Variants in FXN observed in about 807,000 individuals in gnomAD.
FXN encodes the protein frataxin, also known as frataxin, mitochondrial.
Under a neutral mutation model 22.4 loss-of-function variants are expected in FXN, and 14 were observed. That is an observed-to-expected ratio of 0.62 (90% CI 0.41 to 0.98). The LOEUF (loss-of-function observed/expected upper bound fraction) is 0.98, where lower values mean the gene tolerates loss of function less well. Ranked by LOEUF, FXN falls within the 50% of genes least tolerant of loss-of-function variation. The probability of loss-of-function intolerance (pLI) is 0.00; values close to 1 mark genes in which losing one functional copy is unlikely to be tolerated. For missense variants in FXN, 267 were observed against 268.4 expected, an observed-to-expected ratio of 0.99 and a Z score of 0.04; for synonymous variants, 120 against 114.1, an observed-to-expected ratio of 1.05 and a Z score of -0.33.
intron 4 of FXN, among the ~76,000 whole-genome samples, chr9:69,069,946 G>A (rs1354994990): frequency 6.6e-6 from 1 of 152,180 alleles, no homozygotes; most frequent in African/African-American, 2.4e-5. Context: ...AATGGCCCAG[G>A]GGGCAAGCAC....
chr9:69,072,294 T>A (rs1004158877), intron 4 of FXN, among the ~76,000 whole-genome samples: 2 of 152,242 alleles, frequency 1.3e-5, no homozygotes, highest in Non-Finnish European at 2.9e-5. Context: ...CCCTAATTTT[T>A]AAAACACTGC....
intron 1 of FXN, among the ~76,000 whole-genome samples, chr9:69,037,187 G>GCCTA (rs1480162586): frequency 6.6e-6 from 1 of 150,608 alleles, no homozygotes; most frequent in Non-Finnish European, 1.5e-5. Flanking sequence ...ACTTTGGGAG[G>GCCTA]CCTAGGAAGG....
At chr9:69,046,036 G>T (rs540627159) in intron 1 of FXN, among the ~76,000 whole-genome samples, 9 of 152,176 alleles carry the variant, frequency 5.9e-5, no homozygotes, top group African/African-American at 9.7e-5. Flanking sequence ...TGAAAGTTCC[G>T]TGATGGGTTT....
Position 69,076,662 on chromosome 9 carries a change from G to A in FXN, c.*3900G>A. The A allele has an allele frequency of 4.1e-6, 4 of 985,442 alleles. No individual in the cohort carries two copies. The highest frequency in any genetic ancestry group is 4.8e-6 in the Non-Finnish European group (4 of 829,948). 61.0% of individuals were successfully genotyped at this position (985,442 alleles called of 1,614,324 possible). ...AGGAAGACCCATGTTCATAGTGATG[G>A]AGTTTGTGTGGACTAACCATGCAAG... On this transcript the variant is annotated 3_prime_UTR_variant, in exon 5 of 5. Coordinates refer to ENST00000484259, the MANE Select transcript of FXN (RefSeq NM_000144.5).
intron 4 of FXN, among the ~76,000 whole-genome samples, chr9:69,067,318 G>A (rs1471287040): frequency 6.6e-6 from 1 of 152,268 alleles, no homozygotes; most frequent in African/African-American, 2.4e-5. Context: ...GGAGCAGGCC[G>A]GAGCGCGGGA....
rs561745482 is a variant in FXN at position 69,047,117 on chromosome 9, T to G, written c.263+635T>G. ...GAAAAAGCCGGCACGGCATTCCCCA[T>G]GGAAAGCTGTCAGGCACGGCTACAG... On this transcript the variant is annotated intron_variant, in intron 2 of 4. Transcript: ENST00000484259. 2.9e-4 allele frequency among the ~76,000 whole-genome samples: 44 copies of G among 152,202 alleles called. No homozygotes were observed. The East Asian group carries it at 7.7e-3, about 27-fold the overall frequency.
intron 1 of FXN, among the ~76,000 whole-genome samples, chr9:69,037,325 G>C (rs1441682921): frequency 7.3e-6 from 1 of 136,546 alleles, no homozygotes. Flanking sequence ...AGTTAGCCGG[G>C]CGTGGTGTCG....
chr9:69,064,284 C>G (rs1045580751), intron 3 of FXN, among the ~76,000 whole-genome samples: 9 of 152,160 alleles, frequency 5.9e-5, no homozygotes, highest in Non-Finnish European at 1.5e-5. Context: ...GATGCACCAA[C>G]TAGTCTTTTG....
chr9:69,055,353 A>G (rs2133113830), intron 3 of FXN, among the ~76,000 whole-genome samples: 3 of 152,324 alleles, frequency 2.0e-5, no homozygotes, highest in Admixed American at 2.0e-4. Flanking sequence ...GACATTGATT[A>G]GCAAGCTACA....
At chr9:69,041,955 C>T (rs1014955600) in intron 1 of FXN, among the ~76,000 whole-genome samples, 1 of 152,116 alleles carries the variant, frequency 6.6e-6, no homozygotes, top group Admixed American at 6.6e-5. Context: ...AAAGAACACT[C>T]ATCATGGCCA....
rs747375804 is a variant in FXN at position 69,076,473 on chromosome 9, C to T, written c.*3711C>T. ...ATTCTGATTCCCTGGAACCATTTAT[C>T]GTGTGCCTTACCATGCTTATATTTT... On this transcript the variant is annotated 3_prime_UTR_variant, in exon 5 of 5. Coordinates refer to ENST00000484259, the MANE Select transcript of FXN (RefSeq NM_000144.5). The T allele has an allele frequency of 2.0e-4, 201 of 985,388 alleles. No individual in the cohort carries two copies. Among genetic ancestry groups the T allele is most frequent in the Non-Finnish European group, 2.3e-4 (189 of 829,896 alleles). The allele number at this position is 985,388 out of a possible 1,614,324, so 61.0% of individuals were successfully genotyped here.
In FXN at chr9:69,074,019, A is replaced by G; in HGVS notation, c.*1257A>G. ...GCCAACATGATGAAACCCCGTCTCT[A>G]CTAAAAATACAAAAAATTAGCCGGG... is the stretch of plus-strand genomic sequence containing the variant. On this transcript the variant is annotated 3_prime_UTR_variant, in exon 5 of 5. Transcript: ENST00000484259. The G allele has an allele frequency of 2.7e-6, 1 of 368,218 alleles. No individual in the cohort carries two copies. 22.8% of individuals were successfully genotyped at this position (368,218 alleles called of 1,614,324 possible).
chr9:69,076,463 A>C lies in FXN; in HGVS notation c.*3701A>C. ...TTCGTATTAGATTCTGATTCCCTGGAACCATTTATCGTGTGCCTTACCATG... is the reference window on the plus strand; with the variant it reads ...TTCGTATTAGATTCTGATTCCCTGGCACCATTTATCGTGTGCCTTACCATG... On this transcript the variant is annotated 3_prime_UTR_variant, in exon 5 of 5. Coordinates refer to ENST00000484259, the MANE Select transcript of FXN (RefSeq NM_000144.5). 1.0e-6 allele frequency: 1 copy of C among 985,446 alleles called. No homozygotes were observed. The highest frequency in any genetic ancestry group is 4.7e-5 in the South Asian group (1 of 21,288). 61.0% of individuals were successfully genotyped at this position (985,446 alleles called of 1,614,324 possible).
At chr9:69,037,284 A>AAGAAGAAGAAGAAGAAGAAGAAGAAGAAG (rs71353102) in intron 1 of FXN, among the ~76,000 whole-genome samples, 2 of 78,060 alleles carry the variant, frequency 2.6e-5, no homozygotes, top group Non-Finnish European at 5.1e-5. Flanking sequence ...AAAAAAAAAA[A>AAGAAGAAGAAGAAGAAGAAGAAGAAGAAG]AAGAAGAAGA....
Position 69,076,363 on chromosome 9 carries a change from G to C in FXN, c.*3601G>C. ...ATAGCATAATTTCATATTCACATTG[G>C]AGGACTTCTCCCAAAATATGGATGA... On this transcript the variant is annotated 3_prime_UTR_variant, in exon 5 of 5. Transcript: ENST00000484259. 1 of 985,286 alleles carries C rather than the reference G, an allele frequency of 1.0e-6. No homozygotes were observed. Among genetic ancestry groups the C allele is most frequent in the Non-Finnish European group, 1.2e-6 (1 of 829,890 alleles). 61.0% of individuals were successfully genotyped at this position (985,286 alleles called of 1,614,324 possible).
intron 4 of FXN, chr9:69,071,320 A>G: frequency 1.9e-6 from 1 of 518,842 alleles, no homozygotes; most frequent in Non-Finnish European, 3.8e-6. Flanking sequence ...CATTTGGTTG[A>G]TAATGCAGGA....
intron 1 of FXN, chr9:69,043,416 T>G (rs1173961816): frequency 6.6e-6 from 1 of 152,134 alleles, no homozygotes; most frequent in Non-Finnish European, 1.5e-5. Flanking sequence ...ATCAATTAAT[T>G]TGTTGTTGTT....
chr9:69,063,268 G>A (rs997995199), intron 3 of FXN, among the ~76,000 whole-genome samples: 1 of 152,294 alleles, frequency 6.6e-6, no homozygotes, highest in South Asian at 2.1e-4. Flanking sequence ...TAATGGGATT[G>A]AGAGAATGCT....
At position 69,069,320 on chromosome 9, in the gene FXN, G is replaced by A. The variant is rs114389028; in HGVS notation, c.483-3292G>A. Among the ~76,000 whole-genome samples the A allele has an allele frequency of 1.2e-3, 176 of 152,192 alleles. 1 individual carries two copies. The highest frequency in any genetic ancestry group is 4.1e-3 in the African/African-American group (170 of 41,514). On this transcript the variant is annotated intron_variant, in intron 4 of 4. Coordinates refer to ENST00000484259, the MANE Select transcript of FXN (RefSeq NM_000144.5). ...GCGAAGGTTGTAACGAACTGAAATC[G>A]TGCCACAGCACTCCATCCTGGGCGA...
Sources: gnomAD v4.1 joint callset for allele counts (sites outside exome capture counted in the v4.1 genomes callset) on GRCh38, gnomAD v4.1.1 for gene constraint, MANE v1.5 for transcripts, NCBI Gene and HGNC (gene_info 2026-07-23, HGNC 2026-07-21) for gene names.